The following CDKAL1 variants were observed in gnomAD, a reference collection of about 807,000 sequenced individuals.
The protein encoded by CDKAL1 is CDKAL1 threonylcarbamoyladenosine tRNA methylthiotransferase, also known as threonylcarbamoyladenosine tRNA methylthiotransferase.
A neutral mutation model predicts 68.2 loss-of-function variants in CDKAL1; 32 were observed. That is an observed-to-expected ratio of 0.47 (90% CI 0.35 to 0.63). The LOEUF (loss-of-function observed/expected upper bound fraction) is 0.63, where lower values mean the gene tolerates loss of function less well. Ranked by LOEUF, CDKAL1 falls within the 30% of genes least tolerant of loss-of-function variation. CDKAL1 has a pLI of 0.00. For missense variants in CDKAL1, 606 were observed against 696.7 expected (o/e 0.87, Z 1.47); for synonymous variants, 234 against 244.3 (o/e 0.96, Z 0.39).
chr6:21,187,441 G>A (rs541106151), intron 13 of CDKAL1, among the ~76,000 whole-genome samples: 2 of 152,284 alleles, frequency 1.3e-5, no homozygotes, highest in Admixed American at 1.3e-4. Flanking sequence ...GTAGGCTGGA[G>A]CTTATCCATC....
chr6:20,858,408 TAGA>T (rs2150518031), intron 9 of CDKAL1, among the ~76,000 whole-genome samples: 1 of 152,264 alleles, frequency 6.6e-6, no homozygotes, highest in South Asian at 2.1e-4. Context: ...TGTATATAAT[TAGA>T]AGAAGAAAGG....
At chr6:20,702,821 G>T (rs962264904) in intron 5 of CDKAL1, among the ~76,000 whole-genome samples, 1 of 152,132 alleles carries the variant, frequency 6.6e-6, no homozygotes, top group Non-Finnish European at 1.5e-5. Flanking sequence ...TCCTCACCTA[G>T]GTCTGTGGGG....
At chr6:20,960,229 A>C (rs894951316) in intron 10 of CDKAL1, among the ~76,000 whole-genome samples, 3 of 152,154 alleles carry the variant, frequency 2.0e-5, no homozygotes, top group Non-Finnish European at 4.4e-5. Flanking sequence ...CCTGGGCTCA[A>C]GTGATCCTCC....
chr6:20,830,458 T>C (rs1278496563), intron 8 of CDKAL1, among the ~76,000 whole-genome samples: 1 of 144,740 alleles, frequency 6.9e-6, no homozygotes. Flanking sequence ...TTGTATGATA[T>C]GTTTCAGAAA....
At chr6:20,978,244 A>T (rs569617444) in intron 10 of CDKAL1, among the ~76,000 whole-genome samples, 17 of 152,306 alleles carry the variant, frequency 1.1e-4, no homozygotes, top group African/African-American at 3.8e-4. Context: ...GTCAGCTTGA[A>T]ACTGATTCAA....
intron 13 of CDKAL1, among the ~76,000 whole-genome samples, chr6:21,194,789 T>C (rs1179507186): frequency 1.3e-5 from 2 of 152,238 alleles, no homozygotes; most frequent in Non-Finnish European, 1.5e-5. Context: ...TGAAGTTGCA[T>C]CTTCCAGAAT....
At chr6:21,171,433 C>T (rs1171951448) in intron 13 of CDKAL1, among the ~76,000 whole-genome samples, 5 of 151,978 alleles carry the variant, frequency 3.3e-5, no homozygotes, top group African/African-American at 9.7e-5. Flanking sequence ...AGGCTGGTCT[C>T]GATCTCCTGA....
Position 21,205,515 on chromosome 6 carries a change from G to A in CDKAL1, c.1548+4241G>A, listed in dbSNP as rs189866103. 3.5e-3 allele frequency among the ~76,000 whole-genome samples: 536 copies of A among 151,168 alleles called. 1 individual carries two copies. Among genetic ancestry groups the A allele is most frequent in the Non-Finnish European group, 4.1e-3 (278 of 67,896 alleles). ...GTTTTGATAGTAGCCATCCTAATCCGCATGGGTCAAGCCTGTTTTGTTTTG... is the reference window on the plus strand; with the variant it reads ...GTTTTGATAGTAGCCATCCTAATCCACATGGGTCAAGCCTGTTTTGTTTTG... On this transcript the variant is annotated intron_variant, in intron 15 of 15. Transcript: ENST00000274695.
chr6:20,722,400 C>G (rs1156301757), intron 5 of CDKAL1: 1 of 234,872 alleles, frequency 4.3e-6, no homozygotes, highest in African/African-American at 2.3e-5. Context: ...TCTTAATAGG[C>G]AGCATTCTCT....
chr6:20,885,953 G>A lies in CDKAL1; in HGVS notation c.742+39775G>A, dbSNP rs143579510. ...AAAAAACAAAAATTACCCAGAAATC[G>A]CTTGAACCAGGAGGGAGAGGTTGCA... On this transcript the variant is annotated intron_variant, in intron 9 of 15. Coordinates refer to ENST00000274695, the MANE Select transcript of CDKAL1 (RefSeq NM_017774.3). 2.2e-3 allele frequency among the ~76,000 whole-genome samples: 335 copies of A among 152,034 alleles called. 3 individuals are homozygous for A. The highest frequency in any genetic ancestry group is 7.5e-3 in the African/African-American group (311 of 41,458).
intron 9 of CDKAL1, among the ~76,000 whole-genome samples, chr6:20,904,972 G>A (rs1242644522): frequency 6.6e-6 from 1 of 152,116 alleles, no homozygotes; most frequent in Non-Finnish European, 1.5e-5. Flanking sequence ...CCCTTGGGAA[G>A]GAAGAAAATT....
At chr6:20,976,406 A>G (rs967098977) in intron 10 of CDKAL1, among the ~76,000 whole-genome samples, 2 of 152,240 alleles carry the variant, frequency 1.3e-5, no homozygotes, top group Non-Finnish European at 1.5e-5. Context: ...ATTAGAATAA[A>G]TGAATCCATT....
intron 12 of CDKAL1, among the ~76,000 whole-genome samples, chr6:21,082,889 T>TC (rs1210170931): frequency 6.6e-6 from 1 of 151,070 alleles, no homozygotes; most frequent in Non-Finnish European, 1.5e-5. Context: ...TTTTTTTTTT[T>TC]TTGAGACAGG....
chr6:21,011,261 G>A (rs1366030792), intron 11 of CDKAL1, among the ~76,000 whole-genome samples: 2 of 151,292 alleles, frequency 1.3e-5, no homozygotes, highest in African/African-American at 4.9e-5. Flanking sequence ...GCGGGCACCT[G>A]TAGTCCCAGC....
intron 5 of CDKAL1, among the ~76,000 whole-genome samples, chr6:20,693,802 G>A (rs1770979336): frequency 6.6e-6 from 1 of 151,922 alleles, no homozygotes; most frequent in Non-Finnish European, 1.5e-5. Flanking sequence ...ACTCAGAAAA[G>A]TTCTTAGTTT....
At chr6:21,192,103 G>C (rs1767123008) in intron 13 of CDKAL1, among the ~76,000 whole-genome samples, 1 of 118,880 alleles carries the variant, frequency 8.4e-6, no homozygotes, top group Non-Finnish European at 1.6e-5. Context: ...CTCACTGCAA[G>C]CTCCGCTTCC....
At chr6:21,201,324 T>A (rs370418756) in intron 15 of CDKAL1, 50 bp downstream of exon 15, 1 of 1,493,248 alleles carries the variant, frequency 6.7e-7, no homozygotes, top group African/African-American at 1.4e-5. Context: ...ACAGCAGCTG[T>A]GGAAGCACAG....
chr6:20,575,902 T>C (rs1764889276), intron 4 of CDKAL1, among the ~76,000 whole-genome samples: 1 of 152,154 alleles, frequency 6.6e-6, no homozygotes. Flanking sequence ...CACAAATCTG[T>C]CGTGCCCCTT....
chr6:20,745,880 C>G (rs1401187344), intron 6 of CDKAL1, among the ~76,000 whole-genome samples: 2 of 152,172 alleles, frequency 1.3e-5, no homozygotes, highest in Non-Finnish European at 1.5e-5. Context: ...TATTTTACAT[C>G]TCTAATGTGT....
Sources: allele counts gnomAD v4.1 joint callset (sites outside exome capture counted in the v4.1 genomes callset), GRCh38; gene constraint gnomAD v4.1.1; transcripts MANE v1.5; gene names NCBI Gene and HGNC (gene_info 2026-07-23, HGNC 2026-07-21).